SMYD3: variants seen among roughly 807,000 people sequenced by gnomAD.
SMYD3 encodes the protein histone-lysine N-methyltransferase SMYD3.
Under a neutral mutation model 57.7 loss-of-function variants are expected in SMYD3, and 36 were observed. The ratio of observed to expected loss-of-function variants is 0.62; its 90% CI spans 0.48 to 0.82. The LOEUF is 0.82. SMYD3 is among the 40% of genes least tolerant of loss of function. The pLI is 0.00. For missense variants in SMYD3, 515 were observed against 538.8 expected (o/e 0.96, Z 0.44); for synonymous variants, 211 against 195.0 (o/e 1.08, Z -0.68).
intron 10 of SMYD3, among the ~76,000 whole-genome samples, chr1:245,765,402 GT>G (rs1295317111): frequency 1.3e-5 from 2 of 148,838 alleles, no homozygotes; most frequent in African/African-American, 2.5e-5. Flanking sequence ...AAAAAAAAAA[GT>G]TTTTTCCTTG....
chr1:245,814,275 T>C (rs2048662209), intron 10 of SMYD3: 1 of 648,290 alleles, frequency 1.5e-6, no homozygotes, highest in Non-Finnish European at 1.9e-6. Context: ...ATAATTTCAG[T>C]GTATAGCTAC....
intron 5 of SMYD3, 58 bp from the exon 6 acceptor site, chr1:245,929,995 C>T: frequency 2.7e-6 from 4 of 1,484,908 alleles, no homozygotes; most frequent in Non-Finnish European, 3.8e-6. Context: ...ACTTCATAGC[C>T]AAGAGAATAA....
At chr1:246,140,451 T>G (rs949585356) in intron 5 of SMYD3, among the ~76,000 whole-genome samples, 3 of 152,206 alleles carry the variant, frequency 2.0e-5, no homozygotes, top group Non-Finnish European at 2.9e-5. Flanking sequence ...ACCAGTAGTA[T>G]TAGTACCGCT....
intron 8 of SMYD3, among the ~76,000 whole-genome samples, chr1:245,892,121 A>G (rs186102243): frequency 7.9e-5 from 12 of 152,318 alleles, no homozygotes; most frequent in South Asian, 6.2e-4. Context: ...CTAGGCACAA[A>G]AAAAGGGGGA....
chr1:246,233,592 A>G (rs1413524406), intron 5 of SMYD3, among the ~76,000 whole-genome samples: 3 of 124,312 alleles, frequency 2.4e-5, no homozygotes, highest in Admixed American at 8.4e-5. Context: ...GCACTCCTCA[A>G]TTCACACTGT....
chr1:246,299,939 A>G (rs145066720), intron 5 of SMYD3, among the ~76,000 whole-genome samples: 27 of 151,932 alleles, frequency 1.8e-4, no homozygotes, highest in African/African-American at 6.5e-4. Context: ...TGACAAAATA[A>G]TCTGTACGAC....
intron 5 of SMYD3, among the ~76,000 whole-genome samples, chr1:246,055,608 T>C (rs1226224690): frequency 6.6e-6 from 1 of 152,146 alleles, no homozygotes; most frequent in Non-Finnish European, 1.5e-5. Context: ...AACCCAAATA[T>C]GCATCAACAG....
chr1:246,269,240 T>C (rs960128209), intron 5 of SMYD3, among the ~76,000 whole-genome samples: 2 of 152,172 alleles, frequency 1.3e-5, no homozygotes, highest in African/African-American at 4.8e-5. Context: ...CTTTAGTTAG[T>C]AGATCGACTA....
chr1:245,946,199 G>T (rs1218314596), intron 5 of SMYD3, among the ~76,000 whole-genome samples: 1 of 152,128 alleles, frequency 6.6e-6, no homozygotes, highest in Non-Finnish European at 1.5e-5. Context: ...TCTCTGAAGA[G>T]CCAGAAAGGA....
intron 1 of SMYD3, among the ~76,000 whole-genome samples, chr1:246,382,041 A>G (rs1027016133): frequency 4.7e-5 from 7 of 148,948 alleles, no homozygotes; most frequent in Non-Finnish European, 8.9e-5. Context: ...GCTGACACCT[A>G]TGGGATCCAG....
chr1:246,476,136 C>G (rs754147857), intron 1 of SMYD3, among the ~76,000 whole-genome samples: 6 of 152,152 alleles, frequency 3.9e-5, no homozygotes, highest in Non-Finnish European at 5.9e-5. Flanking sequence ...AATTACACAT[C>G]AAAGTATACA....
intron 8 of SMYD3, among the ~76,000 whole-genome samples, chr1:245,914,385 T>G (rs2055244131): frequency 1.3e-5 from 2 of 152,138 alleles, no homozygotes; most frequent in Admixed American, 1.3e-4. Flanking sequence ...TGTCCATCAA[T>G]GGAAAAATGG....
intron 1 of SMYD3, among the ~76,000 whole-genome samples, chr1:246,369,381 T>C (rs1019800271): frequency 6.6e-6 from 1 of 152,224 alleles, no homozygotes; most frequent in South Asian, 2.1e-4. Flanking sequence ...TTTTTCCTAG[T>C]TATTTTTGGG....
chr1:245,896,673 C>G (rs1336670028), intron 8 of SMYD3, among the ~76,000 whole-genome samples: 1 of 152,182 alleles, frequency 6.6e-6, no homozygotes, highest in African/African-American at 2.4e-5. Flanking sequence ...TTCCCCTGTG[C>G]TAGATATTTA....
At chr1:245,878,002 G>A (rs1006003521) in intron 8 of SMYD3, among the ~76,000 whole-genome samples, 3 of 152,124 alleles carry the variant, frequency 2.0e-5, no homozygotes, top group Admixed American at 1.3e-4. Context: ...GGAAACGAAA[G>A]GAGAGTGTTC....
At chr1:246,322,593 C>G (rs1196633010) in intron 5 of SMYD3, among the ~76,000 whole-genome samples, 1 of 152,156 alleles carries the variant, frequency 6.6e-6, no homozygotes, top group Non-Finnish European at 1.5e-5. Context: ...TGTATATCCC[C>G]GGTGCACTTC....
chr1:246,147,929 C>T (rs573717083), intron 5 of SMYD3, among the ~76,000 whole-genome samples: 1 of 152,288 alleles, frequency 6.6e-6, no homozygotes, highest in South Asian at 2.1e-4. Flanking sequence ...TTCATCCCTG[C>T]AGGCTCGGGG....
intron 10 of SMYD3, among the ~76,000 whole-genome samples, chr1:245,834,267 C>A (rs907031300): frequency 1.3e-5 from 2 of 152,160 alleles, no homozygotes; most frequent in African/African-American, 2.4e-5. Flanking sequence ...TCTCATACAC[C>A]CCTGGGAAGG....
chr1:245,933,661 T>C (rs932796522), intron 5 of SMYD3, among the ~76,000 whole-genome samples: 7 of 152,196 alleles, frequency 4.6e-5, no homozygotes, highest in African/African-American at 1.7e-4. Flanking sequence ...AATTCCCCGG[T>C]AGATTAGACA....
Sources: allele counts gnomAD v4.1 joint callset (sites outside exome capture counted in the v4.1 genomes callset), GRCh38; gene constraint gnomAD v4.1.1; transcripts MANE v1.5; gene names NCBI Gene and HGNC (gene_info 2026-07-23, HGNC 2026-07-21).